Variants in TYW1 observed in about 807,000 individuals in gnomAD.
TYW1 encodes tRNA-yW synthesizing protein 1 homolog.
TYW1 carries 46 observed loss-of-function variants against 96.2 expected under a neutral mutation model. The observed-to-expected ratio is 0.48, with a 90% confidence interval of 0.38 to 0.61. The LOEUF (loss-of-function observed/expected upper bound fraction) is 0.61, where lower values mean the gene tolerates loss of function less well. Ranked by LOEUF, TYW1 falls within the 20% of genes least tolerant of loss-of-function variation. The pLI is 0.00. For synonymous variants in TYW1, 274 were observed against 323.0 expected (o/e 0.85, Z 1.63); for missense variants, 684 against 909.6 (o/e 0.75, Z 3.19).
chr7:67,238,928 A>G lies in TYW1; in HGVS notation c.*399A>G. ...ACCCGGCCCTTAGATTTCATGGAGC[A>G]GCCACTTAGCATTGAATTGCACTAC... On this transcript the variant is annotated 3_prime_UTR_variant, in exon 16 of 16. Coordinates refer to ENST00000359626, the MANE Select transcript of TYW1 (RefSeq NM_018264.4). 1 of 1,042,336 alleles carries G rather than the reference A, an allele frequency of 9.6e-7. No homozygotes were observed. Among genetic ancestry groups the G allele is most frequent in the South Asian group, 3.6e-5 (1 of 27,930 alleles). 64.6% of individuals were successfully genotyped at this position (1,042,336 alleles called of 1,614,324 possible).
chr7:67,006,614 A>G (rs969304451), intron 3 of TYW1, among the ~76,000 whole-genome samples: 1 of 150,388 alleles, frequency 6.6e-6, no homozygotes, highest in African/African-American at 2.4e-5. Context: ...AATTTTTTGT[A>G]TTTTTGGTAG....
chr7:67,192,156 A>G (rs1200244133), intron 14 of TYW1, among the ~76,000 whole-genome samples: 1 of 152,066 alleles, frequency 6.6e-6, no homozygotes, highest in Admixed American at 6.5e-5. Flanking sequence ...TCAGCCTCCC[A>G]AAGAGCTGGG....
intron 4 of TYW1, among the ~76,000 whole-genome samples, chr7:67,012,471 T>G (rs1186465477): frequency 6.6e-6 from 1 of 152,206 alleles, no homozygotes; most frequent in Non-Finnish European, 1.5e-5. Flanking sequence ...CAAGAAAATG[T>G]ACTGGTGTGC....
At chr7:67,020,181 A>G (rs1794197295) in intron 6 of TYW1, among the ~76,000 whole-genome samples, 1 of 152,288 alleles carries the variant, frequency 6.6e-6, no homozygotes, top group Non-Finnish European at 1.5e-5. Context: ...GGAGTTCAAG[A>G]TCAGCCTGGG....
chr7:67,050,401 A>G (rs547665096), intron 8 of TYW1, among the ~76,000 whole-genome samples: 129 of 152,312 alleles, frequency 8.5e-4, no homozygotes, highest in African/African-American at 3.1e-3. Flanking sequence ...GAGGTGTCAT[A>G]TCTGGGTTTT....
intron 13 of TYW1, among the ~76,000 whole-genome samples, chr7:67,164,986 G>T (rs1645770207): frequency 7.1e-6 from 1 of 141,196 alleles, no homozygotes; most frequent in South Asian, 2.3e-4. Flanking sequence ...CAATTACTAG[G>T]TCAACAGATT....
chr7:67,225,190 C>CAAAAAAA (rs10600752), intron 15 of TYW1, among the ~76,000 whole-genome samples: 1 of 78,056 alleles, frequency 1.3e-5, no homozygotes, highest in Non-Finnish European at 2.7e-5. Flanking sequence ...GACTCCGTCT[C>CAAAAAAA]AAAAAAAAAA....
chr7:67,082,400 G>A (rs1235786521), intron 10 of TYW1, among the ~76,000 whole-genome samples: 1 of 152,296 alleles, frequency 6.6e-6, no homozygotes, highest in East Asian at 1.9e-4. Flanking sequence ...GCCATAATCG[G>A]TGCCTGTGGT....
At chr7:67,007,339 C>A (rs989026218) in intron 3 of TYW1, among the ~76,000 whole-genome samples, 11 of 152,146 alleles carry the variant, frequency 7.2e-5, no homozygotes, top group Non-Finnish European at 2.9e-5. Flanking sequence ...AAGCCTGCTT[C>A]CTGACTGTAG....
intron 7 of TYW1, among the ~76,000 whole-genome samples, chr7:67,032,621 C>G (rs1217324838): frequency 6.6e-6 from 1 of 151,550 alleles, no homozygotes; most frequent in African/African-American, 2.4e-5. Flanking sequence ...GACCCTGTCT[C>G]AAAGAAAAAA....
intron 13 of TYW1, among the ~76,000 whole-genome samples, chr7:67,147,891 T>C (rs1798657310): frequency 6.6e-6 from 1 of 150,646 alleles, no homozygotes; most frequent in African/African-American, 2.4e-5. Context: ...AATAAGCCTA[T>C]GGAAATTAGG....
Position 67,165,693 on chromosome 7 carries a change from C to T in TYW1, c.1699-17433C>T, listed in dbSNP as rs186455280. Among the ~76,000 whole-genome samples, 959 of 152,164 alleles carry T rather than the reference C, an allele frequency of 6.3e-3. 13 individuals carry two copies. The highest frequency in any genetic ancestry group is 8.3e-3 in the Non-Finnish European group (565 of 67,996). On this transcript the variant is annotated intron_variant, in intron 13 of 15. Coordinates refer to ENST00000359626, the MANE Select transcript of TYW1 (RefSeq NM_018264.4). Reference sequence around the variant, plus strand: ...CTGTAATCCCAGCACTCTGGGAGGCCGAGGCAGGCAGATCGCTTGAGCTCA... The same window carrying T: ...CTGTAATCCCAGCACTCTGGGAGGCTGAGGCAGGCAGATCGCTTGAGCTCA...
intron 15 of TYW1, among the ~76,000 whole-genome samples, chr7:67,229,907 GCAC>G (rs141054112): frequency 1.8e-4 from 27 of 152,318 alleles, no homozygotes; most frequent in Non-Finnish European, 3.8e-4. Flanking sequence ...AGCTATGATT[GCAC>G]CACTGCACTC....
At chr7:67,218,437 T>A (rs1452598114) in intron 15 of TYW1, among the ~76,000 whole-genome samples, 1 of 152,016 alleles carries the variant, frequency 6.6e-6, no homozygotes, top group African/African-American at 2.4e-5. Context: ...TGGTGCTACT[T>A]CCACCTCTGA....
intron 13 of TYW1, among the ~76,000 whole-genome samples, chr7:67,177,777 A>G (rs1183590724): frequency 1.3e-5 from 2 of 152,122 alleles, no homozygotes; most frequent in Admixed American, 6.5e-5. Flanking sequence ...AATATCTGCT[A>G]AGGTCGAATG....
At chr7:67,079,006 A>G (rs1387516747) in intron 10 of TYW1, among the ~76,000 whole-genome samples, 7 of 151,896 alleles carry the variant, frequency 4.6e-5, no homozygotes, top group South Asian at 2.1e-4. Context: ...GGATTTTTAT[A>G]CCTTTGTTTA....
At chr7:67,001,626 T>G (rs1267999837) in intron 3 of TYW1, among the ~76,000 whole-genome samples, 2 of 151,678 alleles carry the variant, frequency 1.3e-5, no homozygotes, top group East Asian at 3.9e-4. Flanking sequence ...TTCACCACGG[T>G]GGTCAGACTG....
At chr7:67,029,432 T>TATATAA (rs1380875291) in intron 7 of TYW1, among the ~76,000 whole-genome samples, 6 of 139,232 alleles carry the variant, frequency 4.3e-5, no homozygotes, top group Admixed American at 7.4e-5. Context: ...TATATATATA[T>TATATAA]AAATAGTATT....
At chr7:67,228,644 G>A (rs918320812) in intron 15 of TYW1, among the ~76,000 whole-genome samples, 6 of 152,178 alleles carry the variant, frequency 3.9e-5, no homozygotes, top group African/African-American at 1.4e-4. Context: ...AATAGCTTGT[G>A]GGGTACTCTT....
Sources: gnomAD v4.1 joint callset for allele counts (sites outside exome capture counted in the v4.1 genomes callset) on GRCh38, gnomAD v4.1.1 for gene constraint, MANE v1.5 for transcripts, NCBI Gene and HGNC (gene_info 2026-07-23, HGNC 2026-07-21) for gene names.